Variants in MCTP1 observed in about 807,000 individuals in gnomAD.
MCTP1 encodes the protein multiple C2 and transmembrane domain containing 1.
MCTP1 carries 69 observed loss-of-function variants against 120.6 expected under a neutral mutation model. The ratio of observed to expected loss-of-function variants is 0.57; its 90% CI spans 0.47 to 0.70. MCTP1 has a LOEUF of 0.70. MCTP1 is among the 30% of genes least tolerant of loss of function. MCTP1 has a pLI of 0.00. For missense variants in MCTP1, 1,203 were observed against 1,248.8 expected (o/e 0.96, Z 0.55); for synonymous variants, 529 against 493.1 (o/e 1.07, Z -0.96).
chr5:95,014,298 G>A (rs1178251648), intron 2 of MCTP1, among the ~76,000 whole-genome samples: 1 of 151,950 alleles, frequency 6.6e-6, no homozygotes, highest in Non-Finnish European at 1.5e-5. Context: ...ATTTATGAGA[G>A]GAGGTCAAAA....
At chr5:94,876,930 A>T (rs959785628) in intron 12 of MCTP1, among the ~76,000 whole-genome samples, 3 of 152,142 alleles carry the variant, frequency 2.0e-5, no homozygotes, top group Non-Finnish European at 2.9e-5. Flanking sequence ...AAGTATGATT[A>T]AGACATAGTC....
intron 19 of MCTP1, among the ~76,000 whole-genome samples, chr5:94,744,606 G>A (rs1054223234): frequency 6.6e-6 from 1 of 151,990 alleles, no homozygotes; most frequent in Admixed American, 6.5e-5. Flanking sequence ...CAGGTTCAAG[G>A]GATTCTCACG....
rs1055302246 is a variant in MCTP1, at chr5:94,749,611, T to A, written c.2610+29499A>T. Among the ~76,000 whole-genome samples, 7 of 123,070 alleles carry A rather than the reference T, an allele frequency of 5.7e-5. No homozygotes were observed. The Admixed American group carries it at 8.0e-4, about 14-fold the overall frequency. The allele number at this position is 123,070 out of a possible 152,430, so 80.7% of individuals were successfully genotyped here. On this transcript the variant is annotated intron_variant, in intron 19 of 22. Coordinates refer to ENST00000515393, the MANE Select transcript of MCTP1 (RefSeq NM_024717.7). ...TGGAGGTTGCAGTAAGCTGACATCG[T>A]GCCACTGCACTCCAGCCTGGGTGAC...
chr5:94,766,408 C>A (rs1433583234), intron 19 of MCTP1, among the ~76,000 whole-genome samples: 1 of 151,958 alleles, frequency 6.6e-6, no homozygotes, highest in Admixed American at 6.5e-5. Flanking sequence ...TCATTCTGAG[C>A]AAGCTATCGC....
chr5:95,178,674 A>G (rs1261210143), intron 1 of MCTP1, among the ~76,000 whole-genome samples: 1 of 152,218 alleles, frequency 6.6e-6, no homozygotes, highest in Non-Finnish European at 1.5e-5. Context: ...GAATCTGAAC[A>G]GCAGCACTTG....
At chr5:95,238,275 T>C (rs1348657301) in intron 1 of MCTP1, among the ~76,000 whole-genome samples, 1 of 152,210 alleles carries the variant, frequency 6.6e-6, no homozygotes, top group African/African-American at 2.4e-5. Flanking sequence ...TGTCTTTGGA[T>C]TGGTATATTA....
At chr5:94,824,828 G>T (rs1018581281) in intron 17 of MCTP1, among the ~76,000 whole-genome samples, 3 of 152,148 alleles carry the variant, frequency 2.0e-5, no homozygotes, top group Non-Finnish European at 4.4e-5. Flanking sequence ...TTTGCGTAGA[G>T]GTGTTTATAG....
chr5:95,206,958 T>C lies in MCTP1; in HGVS notation c.720+76898A>G, dbSNP rs76674339. The stretch of plus-strand genomic sequence containing the variant: ...ATGATTTCAGGAAATTTGTTCATTA[T>C]AGAAGTCAAATTATATATTTATACC... On this transcript the variant is annotated intron_variant, in intron 1 of 22. Coordinates refer to ENST00000515393, the MANE Select transcript of MCTP1 (RefSeq NM_024717.7). Among the ~76,000 whole-genome samples the C allele has an allele frequency of 2.1e-3, 317 of 152,334 alleles. 1 individual carries two copies. The highest frequency in any genetic ancestry group is 6.8e-3 in the African/African-American group (282 of 41,578).
intron 6 of MCTP1, among the ~76,000 whole-genome samples, chr5:94,926,496 C>T (rs1454117673): frequency 1.3e-5 from 2 of 152,164 alleles, no homozygotes; most frequent in Admixed American, 6.5e-5. Flanking sequence ...AATAAAGATG[C>T]CTCATGATAT....
intron 17 of MCTP1, among the ~76,000 whole-genome samples, chr5:94,864,204 C>T (rs527871146): frequency 6.6e-5 from 10 of 151,836 alleles, no homozygotes; most frequent in Non-Finnish European, 1.5e-4. Flanking sequence ...GCCAGTAGCC[C>T]TCCAGATATG....
intron 9 of MCTP1, among the ~76,000 whole-genome samples, chr5:94,912,472 A>C (rs1054895709): frequency 1.0e-4 from 13 of 123,966 alleles, no homozygotes; most frequent in Admixed American, 2.7e-4. Context: ...AAAAAGCCGC[A>C]CTCTGAGTAC....
intron 1 of MCTP1, among the ~76,000 whole-genome samples, chr5:95,019,713 A>AT (rs1447189391): frequency 2.0e-5 from 3 of 151,948 alleles, no homozygotes; most frequent in African/African-American, 4.8e-5. Context: ...AATTGTTCTA[A>AT]TTTTTTTCAA....
At chr5:94,911,046 C>T (rs922863896) in intron 9 of MCTP1, among the ~76,000 whole-genome samples, 1 of 152,172 alleles carries the variant, frequency 6.6e-6, no homozygotes, top group Non-Finnish European at 1.5e-5. Context: ...TATGTGGACA[C>T]TCCAATCAGC....
At chr5:95,149,088 A>G (rs547693962) in intron 1 of MCTP1, among the ~76,000 whole-genome samples, 1 of 152,282 alleles carries the variant, frequency 6.6e-6, no homozygotes, top group Non-Finnish European at 1.5e-5. Context: ...TGTGGTTGGA[A>G]AGAGAGAGAT....
intron 3 of MCTP1, among the ~76,000 whole-genome samples, chr5:94,944,662 G>C (rs566409942): frequency 6.6e-6 from 1 of 152,306 alleles, no homozygotes; most frequent in Non-Finnish European, 1.5e-5. Flanking sequence ...CTCCTAGTGA[G>C]AGTCTTTCCT....
At chr5:94,875,979 C>T (rs1798789127) in intron 12 of MCTP1, among the ~76,000 whole-genome samples, 1 of 152,096 alleles carries the variant, frequency 6.6e-6, no homozygotes. Context: ...TAGGAAGTAT[C>T]CTCCTGTCAC....
chr5:94,901,147 C>T (rs1805420237), intron 10 of MCTP1, among the ~76,000 whole-genome samples: 2 of 152,212 alleles, frequency 1.3e-5, no homozygotes, highest in Admixed American at 6.5e-5. Flanking sequence ...CACAGTTCCA[C>T]ACGGCTGGGG....
intron 10 of MCTP1, among the ~76,000 whole-genome samples, chr5:94,896,472 T>C (rs1254694715): frequency 6.6e-6 from 1 of 152,208 alleles, no homozygotes; most frequent in Non-Finnish European, 1.5e-5. Flanking sequence ...CTTCCTTTTT[T>C]ATATAATGCT....
intron 7 of MCTP1, among the ~76,000 whole-genome samples, chr5:94,918,215 G>A (rs925756404): frequency 5.3e-5 from 8 of 152,168 alleles, no homozygotes; most frequent in Non-Finnish European, 1.2e-4. Context: ...AGGAAATGAA[G>A]CCCAGAGATT....
Sources: gnomAD v4.1 joint callset for allele counts (sites outside exome capture counted in the v4.1 genomes callset) on GRCh38, gnomAD v4.1.1 for gene constraint, MANE v1.5 for transcripts, NCBI Gene and HGNC (gene_info 2026-07-23, HGNC 2026-07-21) for gene names.